The following MAP2K1 variants were observed in gnomAD, a reference collection of about 807,000 sequenced individuals.
MAP2K1 encodes the protein dual specificity mitogen-activated protein kinase kinase 1.
A neutral mutation model predicts 46.3 loss-of-function variants in MAP2K1; 16 were observed. The ratio of observed to expected loss-of-function variants is 0.35; its 90% CI spans 0.23 to 0.52. The LOEUF (loss-of-function observed/expected upper bound fraction) is 0.52. MAP2K1 is among the 20% of genes least tolerant of loss of function. MAP2K1 has a pLI of 0.94. For missense variants in MAP2K1, 263 were observed against 497.1 expected (o/e 0.53, Z 4.48); for synonymous variants, 183 against 185.6 (o/e 0.99, Z 0.11).
chr15:66,393,099 A>G (rs973871141), intron 1 of MAP2K1, among the ~76,000 whole-genome samples: 1 of 152,004 alleles, frequency 6.6e-6, no homozygotes, highest in Non-Finnish European at 1.5e-5. Flanking sequence ...TTCCTGTGGA[A>G]TGTACTCAGA....
chr15:66,437,231 G>A (rs114709929), intron 3 of MAP2K1, among the ~76,000 whole-genome samples: 1,909 of 152,268 alleles, frequency 0.013, 33 homozygotes, highest in African/African-American at 0.041. Context: ...GTACAATGCT[G>A]TATGCTAGGT....
intron 5 of MAP2K1, among the ~76,000 whole-genome samples, chr15:66,458,580 G>A (rs544019711): frequency 8.5e-4 from 129 of 152,300 alleles, no homozygotes; most frequent in African/African-American, 3.0e-3. Flanking sequence ...GTGGTGGTGC[G>A]ATCATGGCTC....
intron 1 of MAP2K1, among the ~76,000 whole-genome samples, chr15:66,428,427 C>CA (rs1255543170): frequency 2.0e-5 from 3 of 151,902 alleles, no homozygotes; most frequent in African/African-American, 7.3e-5. Flanking sequence ...GCTGAAGACC[C>CA]AGGGTAGGGT....
chr15:66,474,771 A>G (rs1327541872), intron 5 of MAP2K1, among the ~76,000 whole-genome samples: 1 of 152,076 alleles, frequency 6.6e-6, no homozygotes, highest in African/African-American at 2.4e-5. Flanking sequence ...GCAATGGTTT[A>G]TAATGCTTAC....
intron 1 of MAP2K1, among the ~76,000 whole-genome samples, chr15:66,420,512 T>G (rs905533238): frequency 4.1e-5 from 6 of 147,530 alleles, no homozygotes; most frequent in African/African-American, 1.5e-4. Flanking sequence ...GTGACTGCAC[T>G]GCTGCACTCC....
chr15:66,466,035 C>T (rs111647378), intron 5 of MAP2K1, among the ~76,000 whole-genome samples: 13 of 152,274 alleles, frequency 8.5e-5, no homozygotes, highest in African/African-American at 3.1e-4. Flanking sequence ...CTTGGGGCTC[C>T]TGGGCCTATC....
intron 8 of MAP2K1, among the ~76,000 whole-genome samples, chr15:66,488,255 G>T (rs961191067): frequency 6.6e-6 from 1 of 152,166 alleles, no homozygotes; most frequent in East Asian, 1.9e-4. Flanking sequence ...CTCAGCAGTG[G>T]GGACAGTCTG....
At chr15:66,418,321 T>C (rs1440995562) in intron 1 of MAP2K1, among the ~76,000 whole-genome samples, 2 of 152,312 alleles carry the variant, frequency 1.3e-5, no homozygotes, top group East Asian at 1.9e-4. Context: ...TTCTGAGTTA[T>C]GAGGTTTAAC....
intron 5 of MAP2K1, chr15:66,446,778 A>AC (rs1467092028): frequency 6.8e-6 from 2 of 292,438 alleles, no homozygotes; most frequent in African/African-American, 4.5e-5. Context: ...ACAGCCTTCC[A>AC]CATATTTCCT....
intron 1 of MAP2K1, among the ~76,000 whole-genome samples, chr15:66,413,239 A>G (rs35692316): frequency 0.057 from 8,700 of 152,200 alleles, 350 homozygotes; most frequent in Middle Eastern, 0.11. Context: ...GCTGCTCTTT[A>G]CTGAACCCTA....
chr15:66,489,056 C>T (rs1481244740), intron 8 of MAP2K1, 159 bp from the exon 9 acceptor site: 3 of 690,902 alleles, frequency 4.3e-6, no homozygotes, highest in Non-Finnish European at 7.9e-6. Flanking sequence ...GGCCTTCTAC[C>T]TGTGCCTTTC....
chr15:66,436,599 T>A (rs2093488637), intron 2 of MAP2K1, 147 bp from the exon 3 acceptor site: 1 of 788,874 alleles, frequency 1.3e-6, no homozygotes, highest in Admixed American at 2.0e-5. Context: ...CACTCATTTC[T>A]TGGTTGAGCA....
intron 1 of MAP2K1, among the ~76,000 whole-genome samples, chr15:66,430,482 C>T (rs745858543): frequency 2.0e-5 from 3 of 152,114 alleles, no homozygotes; most frequent in Admixed American, 2.0e-4. Flanking sequence ...GTTTGGAGAT[C>T]CCATTTCTTT....
intron 5 of MAP2K1, 189 bp downstream of exon 5, chr15:66,444,896 C>T (rs1462532287): frequency 5.0e-6 from 3 of 597,166 alleles, no homozygotes; most frequent in Non-Finnish European, 9.1e-6. Flanking sequence ...GGTCTTGCTA[C>T]ACCTATTGCC....
intron 5 of MAP2K1, among the ~76,000 whole-genome samples, chr15:66,472,891 C>T (rs1357922728): frequency 1.3e-5 from 2 of 152,228 alleles, no homozygotes; most frequent in Non-Finnish European, 2.9e-5. Flanking sequence ...TTCCTACTTA[C>T]TCATTGTTTA....
Position 66,490,756 on chromosome 15 carries a change from T to C in MAP2K1, c.*141T>C. On this transcript the variant is annotated 3_prime_UTR_variant, in exon 11 of 11. Coordinates refer to ENST00000307102, the MANE Select transcript of MAP2K1 (RefSeq NM_002755.4). ...TGAAGAACACAGCATGTGCCAAGAT[T>C]CTACTCTTGTCATTTTTAATATTAC... 1 of 718,278 alleles carries C rather than the reference T, an allele frequency of 1.4e-6. No individual in the cohort carries two copies. The highest frequency in any genetic ancestry group is 2.5e-6 in the Non-Finnish European group (1 of 392,998). 44.5% of individuals were successfully genotyped at this position (718,278 alleles called of 1,614,324 possible).
chr15:66,393,842 C>T (rs1004896679), intron 1 of MAP2K1, among the ~76,000 whole-genome samples: 6 of 152,216 alleles, frequency 3.9e-5, no homozygotes, highest in African/African-American at 1.4e-4. Context: ...TGCTTCCTCA[C>T]TTCCTTCACC....
chr15:66,465,221 C>T (rs1180760911), intron 5 of MAP2K1, among the ~76,000 whole-genome samples: 1 of 152,094 alleles, frequency 6.6e-6, no homozygotes, highest in Non-Finnish European at 1.5e-5. Flanking sequence ...ACCCCTCAGA[C>T]ACCGAGTTAA....
At chr15:66,487,179 C>A in intron 7 of MAP2K1, 49 bp from the exon 8 acceptor site, 1 of 1,528,182 alleles carries the variant, frequency 6.5e-7, no homozygotes, top group Non-Finnish European at 9.1e-7. Context: ...CTCATATTAA[C>A]AAGTAATCTG....
Sources: gnomAD v4.1 joint callset for allele counts (sites outside exome capture counted in the v4.1 genomes callset) on GRCh38, gnomAD v4.1.1 for gene constraint, MANE v1.5 for transcripts, NCBI Gene and HGNC (gene_info 2026-07-23, HGNC 2026-07-21) for gene names.